EML3: variants seen among roughly 807,000 people sequenced by gnomAD.
EML3 encodes EMAP like 3.
Under a neutral mutation model 106.7 loss-of-function variants are expected in EML3, and 53 were observed. That is an observed-to-expected ratio of 0.50 (90% CI 0.40 to 0.62). The LOEUF (loss-of-function observed/expected upper bound fraction) is 0.62, where lower values mean the gene tolerates loss of function less well. Ranked by LOEUF, EML3 falls within the 20% of genes least tolerant of loss-of-function variation. EML3 has a pLI of 0.00. For synonymous variants in EML3, 499 were observed against 489.6 expected (o/e 1.02, Z -0.25); for missense variants, 994 against 1,209.1 (o/e 0.82, Z 2.64).
In EML3 at chr11:62,611,418, T is replaced by C. The variant is rs1175677322; in HGVS notation, c.194+7A>G. 2 of 1,613,626 alleles carry C rather than the reference T, an allele frequency of 1.2e-6. No homozygotes were observed. Among genetic ancestry groups the C allele is most frequent in the Non-Finnish European group, 1.7e-6 (2 of 1,179,854 alleles). On this transcript the variant is annotated splice_region_variant and intron_variant, in intron 2 of 21. Transcript: ENST00000394773. The stretch of plus-strand genomic sequence containing the variant: ...GGAGGAAAAATGGGGTGTGATGACA[T>C]GCATACCTGTCCCCCGGAGGAGCTG...
chr11:62,612,646 T>G lies in EML3; in HGVS notation c.-189A>C. The G allele has an allele frequency of 2.2e-6, 1 of 461,066 alleles. No individual in the cohort carries two copies. 28.6% of individuals were successfully genotyped at this position (461,066 alleles called of 1,614,324 possible). A position where few individuals can be genotyped will look rare whatever the true frequency, so the allele number is the denominator to read the frequency against. ...GGGCGCTGTGGGCCCGGGGCCGCAG[T>G]CTCCAGACCCCCCCGGGCCCTCGGA... On this transcript the variant is annotated 5_prime_UTR_variant, in exon 1 of 22. Coordinates refer to ENST00000394773, the MANE Select transcript of EML3 (RefSeq NM_153265.3).
At chr11:62,606,916 C>G (rs1942551457) in intron 12 of EML3, 42 bp downstream of exon 12, 1 of 1,576,628 alleles carries the variant, frequency 6.3e-7, no homozygotes, top group Admixed American at 1.8e-5. Flanking sequence ...CACAGAACCT[C>G]TGGAGTACTA....
chr11:62,610,708 G>A (rs1942765177), intron 4 of EML3, among the ~76,000 whole-genome samples, 171 bp downstream of exon 4: 1 of 152,186 alleles, frequency 6.6e-6, no homozygotes, highest in South Asian at 2.1e-4. Flanking sequence ...GGAGGAGGTC[G>A]AGGGTTTAGC....
intron 7 of EML3, 28 bp downstream of exon 7, chr11:62,608,933 GC>G: frequency 6.2e-7 from 1 of 1,609,722 alleles, no homozygotes. Context: ...CCCTCTTCCT[GC>G]CAAGCCCACC....
chr11:62,610,120 G>C (rs556758935), intron 4 of EML3, among the ~76,000 whole-genome samples: 1 of 152,164 alleles, frequency 6.6e-6, no homozygotes, highest in Non-Finnish European at 1.5e-5. Context: ...ACTAGGCCCC[G>C]CTATTGACCT....
At position 62,606,090 on chromosome 11, in the gene EML3, G is replaced by A. The variant is rs377089335; in HGVS notation, c.1629C>T (p.Pro543=). 43 of 1,613,830 alleles carry A rather than the reference G, an allele frequency of 2.7e-5. No individual in the cohort carries two copies. Among genetic ancestry groups the A allele is most frequent in the African/African-American group, 1.2e-4 (9 of 74,928 alleles). Residue 543 remains proline, a synonymous_variant, in exon 13 of 22, where the codon CCC becomes CCT. Transcript: ENST00000394773. ...CAGCCTCCTGGAGGGCCACCAACCC[G>A]GGCCCCCACTGTACCAGCCGGCGGT... The part of the protein sequence containing the change: ...GRDRRLVQWG[P]GLVALQEAEI...
At chr11:62,603,051 T>C in intron 20 of EML3, 98 bp downstream of exon 20, 5 of 1,553,526 alleles carry the variant, frequency 3.2e-6, no homozygotes, top group Non-Finnish European at 4.4e-6. Context: ...TTCAGGTTTC[T>C]GGACTCTCAC....
At position 62,611,068 on chromosome 11, in the gene EML3, A is replaced by AG; in HGVS notation, c.452+18dup. On this transcript the variant is annotated intron_variant, in intron 3 of 21. Transcript: ENST00000394773. Reference sequence around the variant, plus strand: ...TACCACCCCTCCCAGCTTCCGCCACAGGGCCACAGGACACCTACGTGTCAG... The same window carrying AG: ...TACCACCCCTCCCAGCTTCCGCCACAGGGGCCACAGGACACCTACGTGTCAG... 6.2e-7 allele frequency: 1 copy of AG among 1,601,318 alleles called. No homozygotes were observed. The highest frequency in any genetic ancestry group is 8.5e-7 in the Non-Finnish European group (1 of 1,177,706).
At chr11:62,608,880 GC>G in intron 7 of EML3, 75 bp from the exon 8 acceptor site, 1 of 1,582,860 alleles carries the variant, frequency 6.3e-7, no homozygotes, top group Non-Finnish European at 8.6e-7. Flanking sequence ...AGCTTGCAGA[GC>G]AGCAAGGCAA....
Position 62,612,542 on chromosome 11 carries a change from G to T in EML3, c.-85C>A. On this transcript the variant is annotated 5_prime_UTR_variant, in exon 1 of 22. Coordinates refer to ENST00000394773, the MANE Select transcript of EML3 (RefSeq NM_153265.3). ...ACGGCCGGGGAGAGGGGAAGGGGAAGCACCCCGGGGCGCGCGCGAAGGGCG... is the reference window on the plus strand; with the variant it reads ...ACGGCCGGGGAGAGGGGAAGGGGAATCACCCCGGGGCGCGCGCGAAGGGCG... 1.6e-6 allele frequency: 2 copies of T among 1,272,578 alleles called. No individual in the cohort carries two copies. The allele number at this position is 1,272,578 out of a possible 1,614,324, so 78.8% of individuals were successfully genotyped here. A position where few individuals can be genotyped will look rare whatever the true frequency, so the allele number is the denominator to read the frequency against.
intron 16 of EML3, among the ~76,000 whole-genome samples, chr11:62,604,521 G>C (rs987300864): frequency 6.6e-6 from 1 of 152,118 alleles, no homozygotes; most frequent in African/African-American, 2.4e-5. Context: ...AGAATTACAG[G>C]TGCGTACCAC....
At chr11:62,609,552 C>T in intron 5 of EML3, 75 bp from the exon 6 acceptor site, 1 of 1,557,198 alleles carries the variant, frequency 6.4e-7, no homozygotes, top group Non-Finnish European at 8.7e-7. Context: ...CCACACCTAC[C>T]CAAAATAGCT....
chr11:62,607,537 C>CAAA, intron 11 of EML3, 129 bp downstream of exon 11: 1 of 1,144,530 alleles, frequency 8.7e-7, no homozygotes, highest in South Asian at 1.8e-5. Context: ...GACTCCGTCT[C>CAAA]AAAAGAAAAA....
At chr11:62,607,429 C>T (rs1027624838) in intron 11 of EML3, 5 of 479,260 alleles carry the variant, frequency 1.0e-5, no homozygotes, top group Admixed American at 3.7e-5. Flanking sequence ...CCAGCTACTC[C>T]GGGAGGCTGA....
chr11:62,602,367 A>C lies in EML3; in HGVS notation c.*108T>G. On this transcript the variant is annotated 3_prime_UTR_variant, in exon 22 of 22. Coordinates refer to ENST00000394773, the MANE Select transcript of EML3 (RefSeq NM_153265.3). The stretch of plus-strand genomic sequence containing the variant: ...AAAATGCGCGATCGGGAATGTCTCG[A>C]AGTCAGTCCAGGAAAGAGTCGGCCC... The C allele has an allele frequency of 7.7e-6, 12 of 1,551,030 alleles. No individual in the cohort carries two copies. The highest frequency in any genetic ancestry group is 2.0e-5 in the Admixed American group (1 of 51,000).
Position 62,606,089 on chromosome 11 carries a change from C to G in EML3, c.1630G>C (p.Gly544Arg). 1 of 1,613,970 alleles carries G rather than the reference C, an allele frequency of 6.2e-7. No homozygotes were observed. Among genetic ancestry groups the G allele is most frequent in the Non-Finnish European group, 8.5e-7 (1 of 1,180,004 alleles). ...TCAGCCTCCTGGAGGGCCACCAACC[C>G]GGGCCCCCACTGTACCAGCCGGCGG... ...RDRRLVQWGP[G>R]LVALQEAEIP... Residue 544 changes from glycine (G) to arginine (R), a missense_variant, in exon 13 of 22, where the codon GGG becomes CGG. By Grantham distance (125) the Gly-to-Arg change is moderately radical (BLOSUM62 -2). Coordinates refer to ENST00000394773, the MANE Select transcript of EML3 (RefSeq NM_153265.3).
At chr11:62,607,542 G>GA (rs112711782) in intron 11 of EML3, 124 bp downstream of exon 11, 118,052 of 906,160 alleles carry the variant, frequency 0.13, no homozygotes, top group Middle Eastern at 0.14. Flanking sequence ...CGTCTCAAAA[G>GA]AAAAAAAAAA....
At chr11:62,608,126 G>T (rs1426484970) in intron 10 of EML3, 75 bp downstream of exon 10, 1 of 1,377,370 alleles carries the variant, frequency 7.3e-7, no homozygotes, top group Non-Finnish European at 1.0e-6. Context: ...ATGTATGGGT[G>T]AGTCTGGAGC....
intron 11 of EML3, 25 bp from the exon 12 acceptor site, chr11:62,607,124 T>C: frequency 1.2e-6 from 2 of 1,611,490 alleles, no homozygotes; most frequent in African/African-American, 1.3e-5. Flanking sequence ...GAGCAGACAG[T>C]AGAGGTCAAA....
Sources: allele counts gnomAD v4.1 joint callset (sites outside exome capture counted in the v4.1 genomes callset), GRCh38; gene constraint gnomAD v4.1.1; transcripts MANE v1.5; gene names NCBI Gene and HGNC (gene_info 2026-07-23, HGNC 2026-07-21).